STPG2: variants seen among roughly 807,000 people sequenced by gnomAD.
STPG2 encodes the protein sperm-tail PG-rich repeat-containing protein 2.
A neutral mutation model predicts 54.2 loss-of-function variants in STPG2; 56 were observed. The ratio of observed to expected loss-of-function variants is 1.03; its 90% confidence interval spans 0.83 to 1.29. The LOEUF is 1.29. STPG2 is among the 50% of genes most tolerant of loss of function. STPG2 has a pLI of 0.00. For missense variants in STPG2, 596 were observed against 544.9 expected (o/e 1.09, Z -0.93); for synonymous variants, 200 against 181.8 (o/e 1.10, Z -0.81).
At chr4:97,695,636 G>T (rs1723544719) in intron 10 of STPG2, among the ~76,000 whole-genome samples, 1 of 151,696 alleles carries the variant, frequency 6.6e-6, no homozygotes, top group Admixed American at 6.6e-5. Context: ...ACTGAAAAAT[G>T]AATTAAGCAA....
At chr4:97,734,355 A>G (rs1365342081) in intron 9 of STPG2, among the ~76,000 whole-genome samples, 5 of 152,082 alleles carry the variant, frequency 3.3e-5, no homozygotes, top group Admixed American at 2.6e-4. Flanking sequence ...TACACACACT[A>G]TTTTGTCACT....
intron 5 of STPG2, chr4:98,026,164 GA>G: frequency 7.0e-7 from 1 of 1,418,988 alleles, no homozygotes; most frequent in Non-Finnish European, 9.9e-7. Context: ...AAGTTAAAAA[GA>G]GGTGGAATCG....
chr4:97,617,369 G>C (rs1292108448), intron 10 of STPG2, among the ~76,000 whole-genome samples: 1 of 152,054 alleles, frequency 6.6e-6, no homozygotes, highest in African/African-American at 2.4e-5. Flanking sequence ...CTCTCAGATT[G>C]GAAATGTTTT....
chr4:97,945,223 T>A (rs1733161849), intron 7 of STPG2, among the ~76,000 whole-genome samples: 1 of 151,952 alleles, frequency 6.6e-6, no homozygotes, highest in South Asian at 2.1e-4. Flanking sequence ...ACCCTCCCCT[T>A]TCTAAGTCTC....
At chr4:97,588,395 A>T (rs1317677069) in intron 10 of STPG2, among the ~76,000 whole-genome samples, 1 of 152,118 alleles carries the variant, frequency 6.6e-6, no homozygotes, top group Non-Finnish European at 1.5e-5. Context: ...TTATACATCC[A>T]ATTGGAAGGA....
chr4:97,943,991 T>A lies in STPG2; in HGVS notation c.950A>T (p.Gln317Leu), dbSNP rs761349814. 1 of 1,609,652 alleles carries A rather than the reference T, an allele frequency of 6.2e-7. No individual in the cohort carries two copies. The highest frequency in any genetic ancestry group is 8.5e-7 in the Non-Finnish European group (1 of 1,178,114). The change falls in exon 8 of 11, where the codon CAG becomes CTG. Residue 317 changes from glutamine to leucine, a missense_variant. Gln to Leu is a moderately radical substitution (Grantham distance 113, BLOSUM62 -2). Coordinates refer to ENST00000295268, the MANE Select transcript of STPG2 (RefSeq NM_174952.3). The stretch of plus-strand genomic sequence containing the variant: ...TAATTCATCAGAAATTCCCACACCC[T>A]GTGAATGCCAAAATTCCTGTTGAAA... Reference protein sequence around the residue: ...PADYQEFWHSQGVGISDELPN... With the variant: ...PADYQEFWHSLGVGISDELPN...
intron 9 of STPG2, among the ~76,000 whole-genome samples, chr4:97,718,877 C>G (rs1441984156): frequency 6.6e-6 from 1 of 151,872 alleles, no homozygotes; most frequent in Non-Finnish European, 1.5e-5. Context: ...AGCATTCTTC[C>G]CTTTCAAAGC....
At chr4:97,686,639 T>A (rs978322829) in intron 10 of STPG2, among the ~76,000 whole-genome samples, 1 of 152,056 alleles carries the variant, frequency 6.6e-6, no homozygotes, top group African/African-American at 2.4e-5. Context: ...GAAACGTGAC[T>A]CCTCCCCTTT....
chr4:98,099,984 C>T (rs1416013926), intron 5 of STPG2, among the ~76,000 whole-genome samples: 1 of 151,906 alleles, frequency 6.6e-6, no homozygotes, highest in African/African-American at 2.4e-5. Context: ...CATTGCATAC[C>T]TATATCAAAA....
At chr4:97,679,863 T>G (rs866925029) in intron 10 of STPG2, among the ~76,000 whole-genome samples, 34 of 151,928 alleles carry the variant, frequency 2.2e-4, no homozygotes, top group South Asian at 6.2e-4. Context: ...AGTTTTCCCA[T>G]CACCATTTAT....
At chr4:97,707,040 C>T (rs1423949953) in intron 10 of STPG2, among the ~76,000 whole-genome samples, 6 of 152,006 alleles carry the variant, frequency 3.9e-5, no homozygotes, top group South Asian at 2.1e-4. Flanking sequence ...GCTGGTACAA[C>T]ATCATTGAGC....
intron 10 of STPG2, among the ~76,000 whole-genome samples, chr4:97,639,362 G>C (rs1253452166): frequency 6.6e-6 from 1 of 151,468 alleles, no homozygotes; most frequent in African/African-American, 2.4e-5. Context: ...GTGGAGGGGG[G>C]AGGGATGGCA....
At chr4:98,083,613 C>T (rs34628820) in intron 5 of STPG2, among the ~76,000 whole-genome samples, 60,104 of 151,802 alleles carry the variant, frequency 0.4, 12,119 homozygotes, top group Middle Eastern at 0.46. Context: ...TGGAGTATTC[C>T]AGGAAGAGGG....
intron 10 of STPG2, among the ~76,000 whole-genome samples, chr4:97,702,890 TATTTTTCC>T (rs1723818438): frequency 6.6e-6 from 1 of 152,118 alleles, no homozygotes; most frequent in Non-Finnish European, 1.5e-5. Context: ...AGCTTGTGTC[TATTTTTCC>T]ACAATTTCAG....
chr4:97,965,777 G>C (rs553306460), intron 7 of STPG2, among the ~76,000 whole-genome samples: 2 of 152,192 alleles, frequency 1.3e-5, no homozygotes, highest in Non-Finnish European at 2.9e-5. Flanking sequence ...TGAGGGACCT[G>C]ATTGTTAAAA....
rs575044000 is a variant in STPG2 at position 98,084,581 on chromosome 4, T to A, written c.612+21372A>T. On this transcript the variant is annotated intron_variant, in intron 5 of 10. Transcript: ENST00000295268. ...TTATTTTACATTCCCATAAGGGATG[T>A]ATGAAGAGTTCTAGTTGCTACATAT... 5.3e-5 allele frequency among the ~76,000 whole-genome samples: 8 copies of A among 152,332 alleles called. No homozygotes were observed. The East Asian group carries it at 5.8e-4, about 11-fold the overall frequency.
At chr4:97,657,904 T>C (rs535365210) in intron 10 of STPG2, among the ~76,000 whole-genome samples, 1 of 152,346 alleles carries the variant, frequency 6.6e-6, no homozygotes, top group African/African-American at 2.4e-5. Flanking sequence ...TAGTTTTCAC[T>C]TTGTAGAGGT....
At chr4:98,059,020 C>T (rs1737564230) in intron 5 of STPG2, among the ~76,000 whole-genome samples, 1 of 148,758 alleles carries the variant, frequency 6.7e-6, no homozygotes, top group Non-Finnish European at 1.5e-5. Context: ...GAAATCAAGA[C>T]ATGAAAACCC....
At chr4:97,553,244 ATTGTT>A (rs1326795283) in intron 4 of STPG2, among the ~76,000 whole-genome samples, 3 of 152,138 alleles carry the variant, frequency 2.0e-5, no homozygotes, top group Non-Finnish European at 4.4e-5. Context: ...AGAAAATGAA[ATTGTT>A]TTTGTTTTTT....
Sources: gnomAD v4.1 joint callset for allele counts (sites outside exome capture counted in the v4.1 genomes callset) on GRCh38, gnomAD v4.1.1 for gene constraint, MANE v1.5 for transcripts, NCBI Gene and HGNC (gene_info 2026-07-23, HGNC 2026-07-21) for gene names.